Variants in MGAT4C observed in about 807,000 individuals in gnomAD.
The protein encoded by MGAT4C is alpha-1,3-mannosyl-glycoprotein 4-beta-N-acetylglucosaminyltransferase C.
A neutral mutation model predicts 40.1 loss-of-function variants in MGAT4C; 19 were observed. The observed-to-expected ratio is 0.47, with a 90% CI of 0.33 to 0.70. The LOEUF (loss-of-function observed/expected upper bound fraction) is 0.70. Ranked by LOEUF, MGAT4C falls within the 30% of genes least tolerant of loss-of-function variation. The pLI, the probability that MGAT4C is intolerant of heterozygous loss-of-function variation, is 0.02. For missense variants in MGAT4C, 491 were observed against 563.2 expected, an observed-to-expected ratio of 0.87 and a Z score of 1.30; for synonymous variants, 181 against 187.1, an observed-to-expected ratio of 0.97 and a Z score of 0.27.
chr12:86,396,155 C>T (rs1956257944), intron 3 of MGAT4C, among the ~76,000 whole-genome samples: 1 of 151,980 alleles, frequency 6.6e-6, no homozygotes, highest in African/African-American at 2.4e-5. Flanking sequence ...GTTCAACTGA[C>T]GGACCTCAAA....
At chr12:86,020,907 C>A (rs1230559578) in intron 2 of MGAT4C, among the ~76,000 whole-genome samples, 1 of 152,010 alleles carries the variant, frequency 6.6e-6, no homozygotes, top group Non-Finnish European at 1.5e-5. Flanking sequence ...AACAAACAAC[C>A]CCATCAAAAA....
At chr12:86,366,479 C>G (rs1206654579) in intron 3 of MGAT4C, among the ~76,000 whole-genome samples, 1 of 152,044 alleles carries the variant, frequency 6.6e-6, no homozygotes. Context: ...AACAGGAAAC[C>G]AAAAACCTAT....
At chr12:86,228,958 T>C (rs1416100414) in intron 1 of MGAT4C, among the ~76,000 whole-genome samples, 4 of 151,876 alleles carry the variant, frequency 2.6e-5, no homozygotes, top group Non-Finnish European at 5.9e-5. Context: ...ACTTGTGGCT[T>C]CTTATGTCTG....
At chr12:86,233,247 G>A (rs1566189546) in intron 1 of MGAT4C, among the ~76,000 whole-genome samples, 1 of 152,166 alleles carries the variant, frequency 6.6e-6, no homozygotes, top group Non-Finnish European at 1.5e-5. Flanking sequence ...TTATATGCAA[G>A]TCTGTTTTCA....
chr12:86,370,922 G>A (rs562832231), intron 3 of MGAT4C, among the ~76,000 whole-genome samples: 1 of 152,044 alleles, frequency 6.6e-6, no homozygotes, highest in Non-Finnish European at 1.5e-5. Context: ...GGGGTGAGGG[G>A]TGGCCCTTTC....
chr12:86,711,158 C>T (rs1201859190), intron 2 of MGAT4C, among the ~76,000 whole-genome samples: 1 of 151,962 alleles, frequency 6.6e-6, no homozygotes, highest in Non-Finnish European at 1.5e-5. Flanking sequence ...TGTCCAAAAC[C>T]CACGTGTACC....
chr12:86,247,333 C>T (rs1952079219), intron 1 of MGAT4C, among the ~76,000 whole-genome samples: 1 of 152,088 alleles, frequency 6.6e-6, no homozygotes, highest in African/African-American at 2.4e-5. Context: ...ACACTTTTTG[C>T]AATCTTCTGT....
chr12:86,812,278 T>C (rs1002884138), intron 1 of MGAT4C, among the ~76,000 whole-genome samples: 10 of 152,104 alleles, frequency 6.6e-5, no homozygotes, highest in Admixed American at 3.3e-4. Flanking sequence ...TCTGATATTG[T>C]TTGGTGAGGG....
chr12:85,997,435 C>G (rs1405279575), intron 2 of MGAT4C, among the ~76,000 whole-genome samples: 1 of 152,128 alleles, frequency 6.6e-6, no homozygotes, highest in East Asian at 1.9e-4. Context: ...AAAGTCTAAA[C>G]TCGTTTCAGC....
chr12:86,236,932 T>C (rs1212938642), intron 1 of MGAT4C, among the ~76,000 whole-genome samples: 1 of 151,696 alleles, frequency 6.6e-6, no homozygotes, highest in Non-Finnish European at 1.5e-5. Context: ...GTAAAGGCTT[T>C]ATCTTGAACA....
chr12:86,265,850 T>C (rs1952772011), intron 4 of MGAT4C, among the ~76,000 whole-genome samples: 1 of 150,928 alleles, frequency 6.6e-6, no homozygotes, highest in Admixed American at 6.6e-5. Context: ...AAAGATCTTT[T>C]ACTTCCTTGG....
chr12:86,424,222 A>C (rs1956882118), intron 3 of MGAT4C, among the ~76,000 whole-genome samples: 1 of 152,242 alleles, frequency 6.6e-6, no homozygotes, highest in Admixed American at 6.5e-5. Context: ...ACATCTTTAA[A>C]CCTCCATTTC....
chr12:86,652,058 T>C (rs913267427), intron 2 of MGAT4C, among the ~76,000 whole-genome samples: 1 of 151,898 alleles, frequency 6.6e-6, no homozygotes. Flanking sequence ...TAGATGGTCA[T>C]AACTTCATAA....
At chr12:86,615,471 G>A (rs1010767049) in intron 2 of MGAT4C, among the ~76,000 whole-genome samples, 9 of 151,878 alleles carry the variant, frequency 5.9e-5, no homozygotes, top group Non-Finnish European at 1.0e-4. Context: ...ATGGAAACCC[G>A]GTATTAAACT....
chr12:86,233,438 G>A (rs1300163957), intron 1 of MGAT4C, among the ~76,000 whole-genome samples: 3 of 152,188 alleles, frequency 2.0e-5, no homozygotes, highest in African/African-American at 4.8e-5. Flanking sequence ...CAAGGACTCC[G>A]AAGGTGCAGC....
chr12:86,734,616 T>G (rs982192063), intron 1 of MGAT4C, among the ~76,000 whole-genome samples: 9 of 151,952 alleles, frequency 5.9e-5, no homozygotes, highest in African/African-American at 1.9e-4. Flanking sequence ...AGAGCTTGCT[T>G]CTTCTCTCTC....
chr12:86,451,395 A>C (rs974117749), intron 2 of MGAT4C, among the ~76,000 whole-genome samples: 1 of 152,208 alleles, frequency 6.6e-6, no homozygotes, highest in East Asian at 1.9e-4. Context: ...TTTCTTATAA[A>C]GTAGCCAGTC....
At chr12:86,465,450 T>C (rs973209094) in intron 2 of MGAT4C, among the ~76,000 whole-genome samples, 2 of 151,960 alleles carry the variant, frequency 1.3e-5, no homozygotes, top group African/African-American at 4.8e-5. Context: ...AACCACAGAC[T>C]GACAGAAAAT....
At chr12:86,402,322 G>A (rs1956381710) in intron 3 of MGAT4C, among the ~76,000 whole-genome samples, 2 of 152,094 alleles carry the variant, frequency 1.3e-5, no homozygotes, top group South Asian at 4.1e-4. Flanking sequence ...CTACTCGGGA[G>A]GTTGAGGCAG....
Sources: gnomAD v4.1 joint callset for allele counts (sites outside exome capture counted in the v4.1 genomes callset) on GRCh38, gnomAD v4.1.1 for gene constraint, MANE v1.5 for transcripts, NCBI Gene and HGNC (gene_info 2026-07-23, HGNC 2026-07-21) for gene names.